Variants in GTF2B observed in about 807,000 individuals in gnomAD.
The protein encoded by GTF2B is general transcription factor IIB, also known as transcription initiation factor IIB.
Under a neutral mutation model 34.6 loss-of-function variants are expected in GTF2B, and 20 were observed. That is an observed-to-expected ratio of 0.58 (90% CI 0.41 to 0.84). The LOEUF is 0.84. GTF2B is among the 40% of genes least tolerant of loss of function. The pLI is 0.00. For synonymous variants in GTF2B, 142 were observed against 132.4 expected, an observed-to-expected ratio of 1.07 and a Z score of -0.50; for missense variants, 237 against 393.3, an observed-to-expected ratio of 0.60 and a Z score of 3.36.
At chr1:88,873,336 C>T (rs377100665) in intron 2 of GTF2B, among the ~76,000 whole-genome samples, 107 of 151,858 alleles carry the variant, frequency 7.0e-4, no homozygotes, top group African/African-American at 2.5e-3. Flanking sequence ...ATAACAGGCG[C>T]GCACCACCAC....
chr1:88,859,739 G>A lies in GTF2B; in HGVS notation c.535+143C>T, dbSNP rs371500091. The A allele has an allele frequency of 2.4e-4, 150 of 631,998 alleles. 2 individuals are homozygous for A. The South Asian group carries it at 2.6e-3, about 11-fold the overall frequency. The allele number at this position is 631,998 out of a possible 1,614,324, so 39.1% of individuals were successfully genotyped here. A position where few individuals can be genotyped will look rare whatever the true frequency, so the allele number is the denominator to read the frequency against. On this transcript the variant is annotated intron_variant, in intron 5 of 6. Transcript: ENST00000370500. ...TAATCCCAGCTACTCAGGAGGCTGAGGCAGGAGTATAGCTTGAACCTGGGA... is the reference window on the plus strand; with the variant it reads ...TAATCCCAGCTACTCAGGAGGCTGAAGCAGGAGTATAGCTTGAACCTGGGA...
In GTF2B at chr1:88,855,014, T is replaced by C. The variant is rs138567003; in HGVS notation, c.818-1668A>G. Among the ~76,000 whole-genome samples, 111 of 152,318 alleles carry C rather than the reference T, an allele frequency of 7.3e-4. No individual in the cohort carries two copies. In the East Asian group the frequency reaches 0.02, roughly 27 times the overall value. On this transcript the variant is annotated intron_variant, in intron 6 of 6. Transcript: ENST00000370500. ...CTGCTGTGCAGGGAAGAGAAAGACC[T>C]TACATTTGAAGAAGACTTTACATAT...
chr1:88,873,051 T>A (rs993509246), intron 2 of GTF2B, among the ~76,000 whole-genome samples: 1 of 152,128 alleles, frequency 6.6e-6, no homozygotes, highest in African/African-American at 2.4e-5. Flanking sequence ...AATAAAGAAT[T>A]GTCAATCCAA....
intron 2 of GTF2B, among the ~76,000 whole-genome samples, chr1:88,873,402 T>G (rs916965313): frequency 6.6e-6 from 1 of 151,986 alleles, no homozygotes; most frequent in African/African-American, 2.4e-5. Flanking sequence ...GGTTTCAACA[T>G]GTTGGTCAGG....
intron 2 of GTF2B, among the ~76,000 whole-genome samples, chr1:88,873,389 C>A (rs370468647): frequency 6.6e-6 from 1 of 151,680 alleles, no homozygotes. Context: ...TTAGTAGAGA[C>A]GAGGTTTCAA....
intron 2 of GTF2B, among the ~76,000 whole-genome samples, chr1:88,867,273 T>C (rs1673582740): frequency 6.6e-6 from 1 of 152,224 alleles, no homozygotes; most frequent in Admixed American, 6.5e-5. Flanking sequence ...TTCATATGTA[T>C]GCACCTACGT....
chr1:88,857,227 C>A lies in GTF2B; in HGVS notation c.796G>T (p.Ala266Ser). The change falls in exon 6 of 7, where the codon GCT becomes TCT. Residue 266 changes from alanine to serine, a missense_variant. Ala to Ser is a moderately conservative substitution (Grantham distance 99, BLOSUM62 1). Coordinates refer to ENST00000370500, the MANE Select transcript of GTF2B (RefSeq NM_001514.6). ...CTACCTTTTTGGGTCCTCTTTTCAG[C>A]TGATGCCTGTGAGGCCATGTAAATA... ...AAIYMASQASAEKRTQKEIGD... is the reference protein window; with the variant it reads ...AAIYMASQASSEKRTQKEIGD... 6.2e-7 allele frequency: 1 copy of A among 1,612,734 alleles called. No individual in the cohort carries two copies. Among genetic ancestry groups the A allele is most frequent in the Non-Finnish European group, 8.5e-7 (1 of 1,179,490 alleles).
chr1:88,858,308 T>A (rs1673364822), intron 5 of GTF2B, among the ~76,000 whole-genome samples: 1 of 152,162 alleles, frequency 6.6e-6, no homozygotes, highest in Non-Finnish European at 1.5e-5. Context: ...TAAATTTAGG[T>A]CTTAATCTTT....
chr1:88,852,984 C>A lies in GTF2B; in HGVS notation c.*229G>T. On this transcript the variant is annotated 3_prime_UTR_variant, in exon 7 of 7. Coordinates refer to ENST00000370500, the MANE Select transcript of GTF2B (RefSeq NM_001514.6). ...GAATTACATAATTTCAAATATCTTC[C>A]AAAATACAGTTTCCTAGATTGCTAC... The A allele has an allele frequency of 2.3e-6, 1 of 434,308 alleles. No homozygotes were observed. Among genetic ancestry groups the A allele is most frequent in the Non-Finnish European group, 4.1e-6 (1 of 245,054 alleles). The allele number at this position is 434,308 out of a possible 1,614,324, so 26.9% of individuals were successfully genotyped here.
At chr1:88,881,008 C>CAAAA (rs57528139) in intron 2 of GTF2B, among the ~76,000 whole-genome samples, 11 of 92,756 alleles carry the variant, frequency 1.2e-4, no homozygotes, top group African/African-American at 3.6e-4. Flanking sequence ...GATGCTGTCT[C>CAAAA]AAAAAAAAAA....
intron 2 of GTF2B, among the ~76,000 whole-genome samples, chr1:88,872,040 T>C (rs1018656633): frequency 3.9e-5 from 6 of 152,132 alleles, no homozygotes; most frequent in Admixed American, 1.3e-4. Context: ...GCCCAGAAGA[T>C]TGTTCTATGG....
intron 2 of GTF2B, among the ~76,000 whole-genome samples, chr1:88,866,938 A>G (rs1346751199): frequency 6.6e-6 from 1 of 152,216 alleles, no homozygotes; most frequent in East Asian, 1.9e-4. Flanking sequence ...AAAGCGTTAG[A>G]TGGATGGCAT....
Position 88,891,470 on chromosome 1 carries a change from G to A in GTF2B, c.17+13C>T, listed in dbSNP as rs1205306142. The A allele has an allele frequency of 7.5e-6, 12 of 1,600,610 alleles. No individual in the cohort carries two copies. The highest frequency in any genetic ancestry group is 1.3e-5 in the African/African-American group (1 of 74,714). On this transcript the variant is annotated intron_variant, in intron 1 of 6. Transcript: ENST00000370500. ...CGCCCCTCAGCTCGCCGGGCTCGGC[G>A]GGACATACTAACCGGCTGGTAGACG...
At chr1:88,857,994 C>G (rs935528460) in intron 5 of GTF2B, among the ~76,000 whole-genome samples, 8 of 150,702 alleles carry the variant, frequency 5.3e-5, no homozygotes, top group Non-Finnish European at 1.2e-4. Context: ...ATGTTCTTCA[C>G]TCTTTCAATT....
At chr1:88,866,911 G>A (rs532059069) in intron 2 of GTF2B, among the ~76,000 whole-genome samples, 26 of 152,244 alleles carry the variant, frequency 1.7e-4, no homozygotes, top group Admixed American at 9.2e-4. Flanking sequence ...TTGAGCAGGT[G>A]GCCCGAAACA....
At chr1:88,880,987 T>A (rs2100977720) in intron 2 of GTF2B, among the ~76,000 whole-genome samples, 1 of 130,554 alleles carries the variant, frequency 7.7e-6, no homozygotes, top group East Asian at 2.1e-4. Flanking sequence ...CCGGCCTGGG[T>A]GACAGAGCGA....
chr1:88,877,361 A>C (rs67285345), intron 2 of GTF2B, among the ~76,000 whole-genome samples: 10,327 of 152,238 alleles, frequency 0.068, 767 homozygotes, highest in African/African-American at 0.18. Flanking sequence ...AGTGGCTTTA[A>C]CTAGAAATAC....
intron 2 of GTF2B, among the ~76,000 whole-genome samples, chr1:88,884,575 A>C (rs1674021595): frequency 6.6e-6 from 1 of 152,208 alleles, no homozygotes; most frequent in Non-Finnish European, 1.5e-5. Context: ...TCATTGGTAA[A>C]TGGCTTTCCT....
chr1:88,882,001 G>T (rs1292347453), intron 2 of GTF2B, among the ~76,000 whole-genome samples: 2 of 152,014 alleles, frequency 1.3e-5, no homozygotes, highest in Non-Finnish European at 2.9e-5. Flanking sequence ...AAAATATAAT[G>T]GGATACTTTT....
Sources: gnomAD v4.1 joint callset for allele counts (sites outside exome capture counted in the v4.1 genomes callset) on GRCh38, gnomAD v4.1.1 for gene constraint, MANE v1.5 for transcripts, NCBI Gene and HGNC (gene_info 2026-07-23, HGNC 2026-07-21) for gene names.